Variants in PLD5 observed in about 807,000 individuals in gnomAD.
PLD5 encodes the protein phospholipase D family member 5.
In PLD5, 36 loss-of-function variants were observed where a neutral mutation model predicts 61.1. The ratio of observed to expected loss-of-function variants is 0.59; its 90% CI spans 0.45 to 0.78. The LOEUF (loss-of-function observed/expected upper bound fraction) is 0.78. Ranked by LOEUF, PLD5 falls within the 30% of genes least tolerant of loss-of-function variation. The pLI is 0.00. For synonymous variants in PLD5, 243 were observed against 242.8 expected (o/e 1.00, Z -0.01); for missense variants, 515 against 644.4 (o/e 0.80, Z 2.17).
intron 3 of PLD5, among the ~76,000 whole-genome samples, chr1:242,287,361 A>T (rs1298755517): frequency 6.6e-6 from 1 of 152,224 alleles, no homozygotes; most frequent in Non-Finnish European, 1.5e-5. Flanking sequence ...ATTTTAGGAG[A>T]CATTATGGAA....
chr1:242,310,121 T>C (rs1390295300), intron 2 of PLD5, among the ~76,000 whole-genome samples: 1 of 152,072 alleles, frequency 6.6e-6, no homozygotes, highest in Non-Finnish European at 1.5e-5. Flanking sequence ...CTTGCACAGC[T>C]GGGGCATAAA....
At chr1:242,496,875 G>A (rs1050304211) in intron 1 of PLD5, among the ~76,000 whole-genome samples, 3 of 152,210 alleles carry the variant, frequency 2.0e-5, no homozygotes, top group Admixed American at 6.5e-5. Flanking sequence ...CTAAGTTTTA[G>A]CCAGCAGGAT....
At chr1:242,199,606 G>A (rs1020387640) in intron 5 of PLD5, among the ~76,000 whole-genome samples, 6 of 152,016 alleles carry the variant, frequency 3.9e-5, no homozygotes, top group East Asian at 3.9e-4. Flanking sequence ...GTGAAATCAC[G>A]GCCTTCAGTG....
In PLD5 at chr1:242,458,970, C is replaced by A. The variant is rs546829951; in HGVS notation, c.189+65118G>T. On this transcript the variant is annotated intron_variant, in intron 1 of 9. Coordinates refer to ENST00000536534, the MANE Select transcript of PLD5 (RefSeq NM_001372062.1). ...TTCATTGCTATTACTGCGACTGCTGCTACTGCTGGAGTTGCATTACATCAG... is the reference window on the plus strand; with the variant it reads ...TTCATTGCTATTACTGCGACTGCTGATACTGCTGGAGTTGCATTACATCAG... 1.2e-3 allele frequency among the ~76,000 whole-genome samples: 178 copies of A among 152,294 alleles called. 1 individual carries two copies. Among genetic ancestry groups the A allele is most frequent in the African/African-American group, 4.2e-3 (173 of 41,544 alleles).
intron 1 of PLD5, among the ~76,000 whole-genome samples, chr1:242,454,614 T>G (rs1466986089): frequency 6.6e-6 from 1 of 151,868 alleles, no homozygotes; most frequent in Non-Finnish European, 1.5e-5. Flanking sequence ...TTTACATTAA[T>G]TTCTATTAAG....
At chr1:242,257,586 A>C (rs10926669) in intron 4 of PLD5, among the ~76,000 whole-genome samples, 36,398 of 152,120 alleles carry the variant, frequency 0.24, 5,906 homozygotes, top group East Asian at 0.66. Context: ...AACAACGTAC[A>C]AGATTATATT....
intron 5 of PLD5, among the ~76,000 whole-genome samples, chr1:242,127,465 A>G (rs1160927611): frequency 6.6e-6 from 1 of 152,188 alleles, no homozygotes; most frequent in Non-Finnish European, 1.5e-5. Context: ...TTGGAATACT[A>G]CTCAGCCATA....
At chr1:242,172,320 T>G (rs1666810238) in intron 5 of PLD5, among the ~76,000 whole-genome samples, 1 of 152,178 alleles carries the variant, frequency 6.6e-6, no homozygotes, top group East Asian at 1.9e-4. Flanking sequence ...AGATGTTCTT[T>G]GAAACCAATG....
At chr1:242,448,934 G>GC (rs1666665120) in intron 1 of PLD5, among the ~76,000 whole-genome samples, 1 of 152,322 alleles carries the variant, frequency 6.6e-6, no homozygotes, top group Admixed American at 6.5e-5. Flanking sequence ...AAAGCAAGCT[G>GC]CTTAAGGATG....
intron 1 of PLD5, among the ~76,000 whole-genome samples, chr1:242,518,833 C>T (rs1006113625): frequency 6.6e-6 from 1 of 152,134 alleles, no homozygotes; most frequent in Non-Finnish European, 1.5e-5. Context: ...CTTCAAAAGA[C>T]ACTGCAATGT....
intron 1 of PLD5, among the ~76,000 whole-genome samples, chr1:242,501,325 C>T (rs1039534): frequency 0.023 from 3,450 of 152,276 alleles, 131 homozygotes; most frequent in African/African-American, 0.079. Context: ...GAGCAGAAAG[C>T]GAAGCAGCTG....
intron 1 of PLD5, among the ~76,000 whole-genome samples, chr1:242,516,959 G>C (rs908234160): frequency 2.0e-5 from 3 of 152,176 alleles, no homozygotes; most frequent in Admixed American, 1.3e-4. Flanking sequence ...CTAAGTATTT[G>C]ACATATTTAT....
rs1664747381 is a variant in PLD5, at chr1:242,149,133, A to G, written c.736-24468T>C. Among the ~76,000 whole-genome samples, 2 of 151,850 alleles carry G rather than the reference A, an allele frequency of 1.3e-5. 1 individual carries two copies. Among genetic ancestry groups the G allele is most frequent in the South Asian group, 4.2e-4 (2 of 4,818 alleles). Reference sequence around the variant, plus strand: ...TTCTATTAAATATAATGCTAGCTGTAGGTTTTACGCAGACGCTCTTTATCA... The same window carrying G: ...TTCTATTAAATATAATGCTAGCTGTGGGTTTTACGCAGACGCTCTTTATCA... On this transcript the variant is annotated intron_variant, in intron 5 of 9. Transcript: ENST00000536534.
chr1:242,128,528 C>T (rs1028267310), intron 5 of PLD5, among the ~76,000 whole-genome samples: 18 of 152,172 alleles, frequency 1.2e-4, no homozygotes, highest in Admixed American at 5.9e-4. Context: ...AGTCACAGCA[C>T]GTTCAGGCTG....
chr1:242,185,780 G>T (rs1489968936), intron 5 of PLD5, among the ~76,000 whole-genome samples: 1 of 151,774 alleles, frequency 6.6e-6, no homozygotes, highest in Admixed American at 6.6e-5. Flanking sequence ...TTTTTTTTAA[G>T]GTTGGCATTT....
intron 1 of PLD5, among the ~76,000 whole-genome samples, chr1:242,520,514 C>T (rs1669247439): frequency 6.6e-6 from 1 of 152,104 alleles, no homozygotes; most frequent in African/African-American, 2.4e-5. Context: ...GAACCCAGAT[C>T]CCTCTTACCA....
chr1:242,241,881 A>ACT (rs1397345135), intron 4 of PLD5, among the ~76,000 whole-genome samples: 7 of 29,656 alleles, frequency 2.4e-4, no homozygotes, highest in African/African-American at 8.9e-4. Flanking sequence ...ATATATATAT[A>ACT]TATATATATA....
intron 1 of PLD5, among the ~76,000 whole-genome samples, chr1:242,371,076 A>G (rs1433201121): frequency 6.6e-6 from 1 of 152,172 alleles, no homozygotes; most frequent in Admixed American, 6.5e-5. Flanking sequence ...AAACCCAACA[A>G]TCTTTATTTT....
At chr1:242,137,853 G>GAA (rs1663864468) in intron 5 of PLD5, among the ~76,000 whole-genome samples, 1 of 152,034 alleles carries the variant, frequency 6.6e-6, no homozygotes, top group Non-Finnish European at 1.5e-5. Context: ...AAAAAGAAAA[G>GAA]AAAAGGCCAG....
Sources: gnomAD v4.1 joint callset for allele counts (sites outside exome capture counted in the v4.1 genomes callset) on GRCh38, gnomAD v4.1.1 for gene constraint, MANE v1.5 for transcripts, NCBI Gene and HGNC (gene_info 2026-07-23, HGNC 2026-07-21) for gene names.